PTK2B: variants seen among roughly 807,000 people sequenced by gnomAD.
The protein encoded by PTK2B is protein-tyrosine kinase 2-beta.
Under a neutral mutation model 142.9 loss-of-function variants are expected in PTK2B, and 71 were observed. The ratio of observed to expected loss-of-function variants is 0.50; its 90% CI spans 0.41 to 0.61. The LOEUF (loss-of-function observed/expected upper bound fraction) is 0.61, where lower values mean the gene tolerates loss of function less well. Among genes scored for constraint, PTK2B ranks in the 20% least tolerant of loss-of-function variants. The probability of loss-of-function intolerance (pLI) is 0.00; values close to 1 mark genes in which losing one functional copy is unlikely to be tolerated. For synonymous variants in PTK2B, 519 were observed against 503.4 expected, an observed-to-expected ratio of 1.03 and a Z score of -0.42; for missense variants, 1,105 against 1,320.4, an observed-to-expected ratio of 0.84 and a Z score of 2.53.
At chr8:27,311,249 G>T, upstream of PTK2B, 3 of 1,493,716 alleles carry the variant, frequency 2.0e-6, no homozygotes, top group Non-Finnish European at 1.8e-6. Flanking sequence ...ACGAGCAGCC[G>T]GCTCGGGCGC....
At chr8:27,352,676 A>C (rs1456719842) in intron 1 of PTK2B, among the ~76,000 whole-genome samples, 1 of 152,150 alleles carries the variant, frequency 6.6e-6, no homozygotes, top group African/African-American at 2.4e-5. Flanking sequence ...GGTCTTTCCA[A>C]CACTGTTCTC....
intron 1 of PTK2B, among the ~76,000 whole-genome samples, chr8:27,383,029 A>G (rs1435114789): frequency 2.0e-5 from 3 of 152,062 alleles, no homozygotes; most frequent in South Asian, 2.1e-4. Flanking sequence ...TGCTTTGGCT[A>G]TTTGGGGTAT....
intron 1 of PTK2B, among the ~76,000 whole-genome samples, chr8:27,377,703 C>T (rs75254030): frequency 0.023 from 3,487 of 152,220 alleles, 148 homozygotes; most frequent in African/African-American, 0.078. Flanking sequence ...GCCTGTGTCA[C>T]GGGAGGGTAT....
intron 1 of PTK2B, among the ~76,000 whole-genome samples, chr8:27,374,581 T>A (rs1184695752): frequency 2.0e-5 from 3 of 152,198 alleles, no homozygotes; most frequent in Non-Finnish European, 4.4e-5. Flanking sequence ...GGCTCTCACA[T>A]AGGCACTGTC....
chr8:27,370,372 A>C lies in PTK2B; in HGVS notation c.-37-27176A>C, dbSNP rs1267025760. The stretch of plus-strand genomic sequence containing the variant: ...ATCATTAAGGAGCAAATGAAGAGAC[A>C]TGTATATGTGGCCACATTCAAGACC... On this transcript the variant is annotated intron_variant, in intron 1 of 30. Transcript: ENST00000346049. Among the ~76,000 whole-genome samples, 17 of 152,276 alleles carry C rather than the reference A, an allele frequency of 1.1e-4. No homozygotes were observed. The East Asian group carries it at 3.1e-3, about 28-fold the overall frequency.
At chr8:27,376,399 G>C (rs1438863874) in intron 1 of PTK2B, among the ~76,000 whole-genome samples, 7 of 152,154 alleles carry the variant, frequency 4.6e-5, no homozygotes, top group Admixed American at 4.6e-4. Context: ...GCAGCAGGTG[G>C]GCCTGGACTG....
intron 15 of PTK2B, among the ~76,000 whole-genome samples, chr8:27,436,632 G>A (rs1327482316): frequency 1.3e-5 from 2 of 152,130 alleles, no homozygotes; most frequent in African/African-American, 2.4e-5. Context: ...AGGGGGAGGC[G>A]GGATAAAGAC....
chr8:27,432,419 T>A, intron 10 of PTK2B, 58 bp downstream of exon 10: 1 of 1,505,296 alleles, frequency 6.6e-7, no homozygotes, highest in Non-Finnish European at 9.1e-7. Context: ...AATGGCAGAT[T>A]GGGAGCTCTT....
chr8:27,402,118 C>T (rs1808420390), intron 2 of PTK2B, among the ~76,000 whole-genome samples: 1 of 152,052 alleles, frequency 6.6e-6, no homozygotes, highest in Non-Finnish European at 1.5e-5. Flanking sequence ...ATTTTTAAAC[C>T]TAGGCAATGC....
intron 2 of PTK2B, among the ~76,000 whole-genome samples, chr8:27,411,134 A>G (rs1191404290): frequency 1.3e-5 from 2 of 152,234 alleles, no homozygotes; most frequent in Non-Finnish European, 2.9e-5. Context: ...ATCATTATAT[A>G]CTGTCATTTT....
intron 9 of PTK2B, among the ~76,000 whole-genome samples, chr8:27,431,825 A>C (rs1586309268): frequency 6.6e-6 from 1 of 152,204 alleles, no homozygotes; most frequent in East Asian, 1.9e-4. Context: ...CTCCACTGCC[A>C]GCTTGGCACA....
At chr8:27,343,278 T>A (rs1185766666) in intron 1 of PTK2B, among the ~76,000 whole-genome samples, 1 of 152,212 alleles carries the variant, frequency 6.6e-6, no homozygotes, top group East Asian at 1.9e-4. Flanking sequence ...CTTCTGGATC[T>A]CTCAGTTGAC....
chr8:27,351,608 TAATA>T (rs1230509324), intron 1 of PTK2B, among the ~76,000 whole-genome samples: 2 of 152,150 alleles, frequency 1.3e-5, no homozygotes, highest in South Asian at 2.1e-4. Context: ...ATAAATTAAT[TAATA>T]AATAAATAAA....
intron 1 of PTK2B, among the ~76,000 whole-genome samples, chr8:27,357,038 A>T (rs1163082826): frequency 6.6e-6 from 1 of 152,194 alleles, no homozygotes; most frequent in Non-Finnish European, 1.5e-5. Context: ...CTACATACAT[A>T]CCACACACAC....
chr8:27,374,421 G>C (rs1020492531), intron 1 of PTK2B, among the ~76,000 whole-genome samples: 3 of 152,206 alleles, frequency 2.0e-5, no homozygotes, highest in Non-Finnish European at 2.9e-5. Flanking sequence ...CACCACATAG[G>C]GCCCCGTGGG....
intron 2 of PTK2B, among the ~76,000 whole-genome samples, chr8:27,419,260 G>T (rs1809595929): frequency 6.6e-6 from 1 of 152,228 alleles, no homozygotes; most frequent in Non-Finnish European, 1.5e-5. Flanking sequence ...CCTTGCTCAT[G>T]TGGGGATTGT....
chr8:27,435,288 C>G (rs1810701384), intron 13 of PTK2B, among the ~76,000 whole-genome samples: 1 of 152,226 alleles, frequency 6.6e-6, no homozygotes, highest in Admixed American at 6.5e-5. Context: ...GCACAGATCC[C>G]ATTATGGGGG....
chr8:27,429,827 A>G (rs1810298122), intron 5 of PTK2B, among the ~76,000 whole-genome samples: 1 of 152,176 alleles, frequency 6.6e-6, no homozygotes, highest in Admixed American at 6.5e-5. Context: ...TGGAGCCACC[A>G]TCTTCCTCCT....
chr8:27,446,307 G>T (rs1363968094), intron 24 of PTK2B, among the ~76,000 whole-genome samples: 1 of 152,158 alleles, frequency 6.6e-6, no homozygotes, highest in Non-Finnish European at 1.5e-5. Context: ...GATGGCTTTG[G>T]GTGTGAAATC....
Sources: gnomAD v4.1 joint callset for allele counts (sites outside exome capture counted in the v4.1 genomes callset) on GRCh38, gnomAD v4.1.1 for gene constraint, MANE v1.5 for transcripts, NCBI Gene and HGNC (gene_info 2026-07-23, HGNC 2026-07-21) for gene names.